THSD4: variants seen among roughly 807,000 people sequenced by gnomAD.
THSD4 encodes thrombospondin type-1 domain-containing protein 4.
THSD4 carries 69 observed loss-of-function variants against 119.0 expected under a neutral mutation model. That is an observed-to-expected ratio of 0.58 (90% CI 0.48 to 0.71). THSD4 has a LOEUF of 0.71. Ranked by LOEUF, THSD4 falls within the 30% of genes least tolerant of loss-of-function variation. THSD4 has a pLI of 0.00. For missense variants in THSD4, 1,393 were observed against 1,391.1 expected, an observed-to-expected ratio of 1.00 and a Z score of -0.02; for synonymous variants, 524 against 540.4, an observed-to-expected ratio of 0.97 and a Z score of 0.42.
At chr15:71,619,181 A>C (rs1212469054) in intron 7 of THSD4, among the ~76,000 whole-genome samples, 2 of 152,088 alleles carry the variant, frequency 1.3e-5, no homozygotes, top group East Asian at 3.9e-4. Flanking sequence ...CATGTTGGCC[A>C]GGCTGGTCTT....
At chr15:71,682,485 T>C (rs1488145504) in intron 8 of THSD4, among the ~76,000 whole-genome samples, 2 of 152,086 alleles carry the variant, frequency 1.3e-5, no homozygotes, top group Non-Finnish European at 2.9e-5. Flanking sequence ...ACTACCGTGA[T>C]TGTTCACACC....
intron 7 of THSD4, among the ~76,000 whole-genome samples, chr15:71,618,514 ATCACAGGCTGCC>A (rs1379075074): frequency 9.5e-4 from 144 of 152,370 alleles, no homozygotes; most frequent in Non-Finnish European, 2.4e-4. Context: ...ATACCCCGGC[ATCACAGGCTGCC>A]TCTTGGGAGG....
At chr15:71,168,112 AC>A (rs893710545) in intron 3 of THSD4, among the ~76,000 whole-genome samples, 7 of 152,380 alleles carry the variant, frequency 4.6e-5, no homozygotes, top group African/African-American at 1.7e-4. Flanking sequence ...AATTAAAGAT[AC>A]TTGGCAAATG....
At chr15:71,589,155 T>C (rs2049747881) in intron 7 of THSD4, among the ~76,000 whole-genome samples, 1 of 152,218 alleles carries the variant, frequency 6.6e-6, no homozygotes. Context: ...CCGAGGTTCA[T>C]TAATGCCTTA....
At chr15:71,502,765 T>C (rs2048130871) in intron 7 of THSD4, among the ~76,000 whole-genome samples, 1 of 152,150 alleles carries the variant, frequency 6.6e-6, no homozygotes, top group Non-Finnish European at 1.5e-5. Flanking sequence ...TGTACCTCTT[T>C]AGGGAGAATA....
intron 3 of THSD4, among the ~76,000 whole-genome samples, chr15:71,198,243 G>A (rs912933064): frequency 1.3e-5 from 2 of 152,170 alleles, no homozygotes; most frequent in Non-Finnish European, 2.9e-5. Context: ...CTCCAGCTTG[G>A]GCAAGAGAGC....
chr15:71,580,854 T>C (rs1417519289), intron 7 of THSD4, among the ~76,000 whole-genome samples: 1 of 152,130 alleles, frequency 6.6e-6, no homozygotes, highest in Non-Finnish European at 1.5e-5. Flanking sequence ...AATATTCCAT[T>C]ATATACATAT....
chr15:71,683,878 G>A (rs2051850816), intron 8 of THSD4, among the ~76,000 whole-genome samples: 4 of 152,144 alleles, frequency 2.6e-5, no homozygotes, highest in Admixed American at 2.6e-4. Flanking sequence ...AGGAGGTTGA[G>A]GCATGAGAAT....
At chr15:71,569,326 G>A (rs1216358859) in intron 7 of THSD4, among the ~76,000 whole-genome samples, 3 of 152,174 alleles carry the variant, frequency 2.0e-5, no homozygotes, top group Non-Finnish European at 4.4e-5. Context: ...GAAAGAGAGA[G>A]AGAGAGGGAG....
chr15:71,568,712 A>G (rs1443196148), intron 7 of THSD4, among the ~76,000 whole-genome samples: 1 of 151,914 alleles, frequency 6.6e-6, no homozygotes, highest in Non-Finnish European at 1.5e-5. Context: ...TTTACATTAG[A>G]TATATCTCCT....
chr15:71,762,369 G>T (rs945781801), intron 15 of THSD4, among the ~76,000 whole-genome samples: 4 of 152,334 alleles, frequency 2.6e-5, no homozygotes, highest in Non-Finnish European at 4.4e-5. Flanking sequence ...GCAGTCTTCT[G>T]TTCTGCCACA....
At chr15:71,482,219 C>G (rs577359528) in intron 7 of THSD4, among the ~76,000 whole-genome samples, 1 of 151,968 alleles carries the variant, frequency 6.6e-6, no homozygotes, top group Non-Finnish European at 1.5e-5. Flanking sequence ...CCCATGGTCT[C>G]AAGAGGGCTC....
At chr15:71,758,444 C>T (rs1356760550) in intron 15 of THSD4, among the ~76,000 whole-genome samples, 1 of 152,094 alleles carries the variant, frequency 6.6e-6, no homozygotes, top group Non-Finnish European at 1.5e-5. Flanking sequence ...TAGCACAGTG[C>T]CTGACACAAA....
intron 8 of THSD4, among the ~76,000 whole-genome samples, chr15:71,695,449 A>C (rs2052143459): frequency 6.6e-6 from 1 of 151,214 alleles, no homozygotes; most frequent in Non-Finnish European, 1.5e-5. Context: ...AGCAGGCATT[A>C]GATTTTTTGT....
intron 3 of THSD4, among the ~76,000 whole-genome samples, chr15:71,200,867 G>A (rs2043797967): frequency 6.6e-6 from 1 of 152,180 alleles, no homozygotes; most frequent in Non-Finnish European, 1.5e-5. Context: ...TTGGTGGCAA[G>A]CCCAAAATGG....
At chr15:71,638,058 C>T (rs2050784374) in intron 7 of THSD4, among the ~76,000 whole-genome samples, 2 of 152,122 alleles carry the variant, frequency 1.3e-5, no homozygotes, top group African/African-American at 2.4e-5. Context: ...TGAACTATAC[C>T]TTAAAAGGGG....
chr15:71,454,671 C>T (rs1416812545), intron 7 of THSD4, among the ~76,000 whole-genome samples: 2 of 152,296 alleles, frequency 1.3e-5, no homozygotes, highest in South Asian at 2.1e-4. Context: ...AAGCACAGCC[C>T]GTTAAAATTC....
intron 6 of THSD4, among the ~76,000 whole-genome samples, chr15:71,344,980 A>T (rs1195754085): frequency 6.6e-6 from 1 of 152,008 alleles, no homozygotes; most frequent in Non-Finnish European, 1.5e-5. Flanking sequence ...GTCATGTGGG[A>T]GATGGGTAGC....
chr15:71,378,206 G>A (rs1268525732), intron 6 of THSD4, among the ~76,000 whole-genome samples: 1 of 152,070 alleles, frequency 6.6e-6, no homozygotes, highest in Non-Finnish European at 1.5e-5. Flanking sequence ...CTTTCTGGCA[G>A]GTAACAGTAA....
Sources: allele counts gnomAD v4.1 joint callset (sites outside exome capture counted in the v4.1 genomes callset), GRCh38; gene constraint gnomAD v4.1.1; transcripts MANE v1.5; gene names NCBI Gene and HGNC (gene_info 2026-07-23, HGNC 2026-07-21).